Variants in GRK5 observed in about 807,000 individuals in gnomAD.
GRK5 encodes g protein-coupled receptor kinase GRK5.
In GRK5, 40 loss-of-function variants were observed where a neutral mutation model predicts 78.4. The ratio of observed to expected loss-of-function variants is 0.51; its 90% CI spans 0.40 to 0.66. GRK5 has a LOEUF of 0.66. Among genes scored for constraint, GRK5 ranks in the 30% least tolerant of loss-of-function variants. The pLI is 0.00. For synonymous variants in GRK5, 289 were observed against 296.8 expected (o/e 0.97, Z 0.27); for missense variants, 598 against 759.9 (o/e 0.79, Z 2.50).
intron 1 of GRK5, among the ~76,000 whole-genome samples, chr10:119,240,970 A>C (rs1443196485): frequency 6.6e-6 from 1 of 152,188 alleles, no homozygotes; most frequent in Non-Finnish European, 1.5e-5. Context: ...GCCCAGGCCA[A>C]AGGGCTCTGG....
chr10:119,357,644 G>T (rs551858395), intron 2 of GRK5, among the ~76,000 whole-genome samples: 93 of 152,210 alleles, frequency 6.1e-4, no homozygotes, highest in Non-Finnish European at 1.1e-3. Context: ...AATAGCAATA[G>T]CGGCTCACAC....
intron 12 of GRK5, among the ~76,000 whole-genome samples, chr10:119,446,134 C>T (rs1043649221): frequency 6.6e-6 from 1 of 152,174 alleles, no homozygotes; most frequent in Non-Finnish European, 1.5e-5. Context: ...GCCCGCTCTG[C>T]CTGCCCCACC....
intron 3 of GRK5, among the ~76,000 whole-genome samples, chr10:119,386,519 G>T (rs1255258919): frequency 6.6e-6 from 1 of 152,206 alleles, no homozygotes; most frequent in Non-Finnish European, 1.5e-5. Flanking sequence ...CTCTCTCTGG[G>T]CCTGTACCAA....
Position 119,380,866 on chromosome 10 carries a change from T to A in GRK5, c.200T>A (p.Phe67Tyr). 1 of 1,613,712 alleles carries A rather than the reference T, an allele frequency of 6.2e-7. No individual in the cohort carries two copies. The highest frequency in any genetic ancestry group is 8.5e-7 in the Non-Finnish European group (1 of 1,179,582). ...AAGCAGCCAATCGGGAGGCTGCTTT[T>A]CCGGCAGTTTTGTGAAACCAGGCCT... ...CDKQPIGRLLFRQFCETRPGL... is the reference protein window; with the variant it reads ...CDKQPIGRLLYRQFCETRPGL... Residue 67 changes from phenylalanine to tyrosine, a missense_variant, in exon 3 of 16, where the codon TTC becomes TAC. Transcript: ENST00000392870.
chr10:119,272,430 G>A (rs1463919443), intron 1 of GRK5, among the ~76,000 whole-genome samples: 1 of 152,088 alleles, frequency 6.6e-6, no homozygotes. Context: ...ACAAAAATTA[G>A]CCAGGCATGA....
chr10:119,399,343 C>T (rs958966580), intron 4 of GRK5, among the ~76,000 whole-genome samples: 8 of 152,210 alleles, frequency 5.3e-5, no homozygotes, highest in South Asian at 2.1e-4. Context: ...TTACCTCTCA[C>T]GTGCCCCAGT....
chr10:119,247,160 G>A (rs1849127600), intron 1 of GRK5, among the ~76,000 whole-genome samples: 2 of 152,220 alleles, frequency 1.3e-5, no homozygotes, highest in Admixed American at 1.3e-4. Flanking sequence ...CCAGGCCAGC[G>A]GAGGGCGGAA....
chr10:119,327,020 C>T (rs1850691112), intron 2 of GRK5, among the ~76,000 whole-genome samples: 1 of 152,188 alleles, frequency 6.6e-6, no homozygotes, highest in Non-Finnish European at 1.5e-5. Flanking sequence ...ATAACTTCTC[C>T]CCTTTCTTCC....
intron 1 of GRK5, among the ~76,000 whole-genome samples, chr10:119,290,771 T>C (rs941260037): frequency 6.6e-6 from 1 of 151,892 alleles, no homozygotes; most frequent in Non-Finnish European, 1.5e-5. Flanking sequence ...TCCCCTTCTG[T>C]GTGTGTGTAG....
chr10:119,255,529 G>A (rs1422952099), intron 1 of GRK5, among the ~76,000 whole-genome samples: 8 of 152,288 alleles, frequency 5.3e-5, no homozygotes, highest in African/African-American at 1.7e-4. Flanking sequence ...TTCCCCAGAT[G>A]CTCACTTTGT....
intron 1 of GRK5, among the ~76,000 whole-genome samples, chr10:119,296,263 T>C (rs1299591489): frequency 6.6e-6 from 1 of 152,238 alleles, no homozygotes; most frequent in African/African-American, 2.4e-5. Flanking sequence ...GAAGGTACTT[T>C]TGGAAAAGAA....
chr10:119,434,044 T>TTTCC (rs1240447968), intron 8 of GRK5, among the ~76,000 whole-genome samples: 1 of 149,536 alleles, frequency 6.7e-6, no homozygotes, highest in Non-Finnish European at 1.5e-5. Context: ...GTGAAAGGGG[T>TTTCC]TTCCCCTTAT....
In GRK5 at chr10:119,264,164, A is replaced by G. The variant is rs757446500; in HGVS notation, c.52+56195A>G. Among the ~76,000 whole-genome samples, 13 of 152,136 alleles carry G rather than the reference A, an allele frequency of 8.5e-5. No individual in the cohort carries two copies. The highest frequency in any genetic ancestry group is 1.9e-4 in the Non-Finnish European group (13 of 68,028). On this transcript the variant is annotated intron_variant, in intron 1 of 15. Transcript: ENST00000392870. This position sits in a 1 kb window ranked among gnomAD's most constrained non-coding sequence, Gnocchi z 4.1. ...TTGCATGCCACCTTGAATGCTCTCC[A>G]TTGACATTTGCAACTTGTTTCTGTG...
chr10:119,443,682 G>T lies in GRK5; in HGVS notation c.1196G>T (p.Arg399Leu). 1 of 1,613,274 alleles carries T rather than the reference G, an allele frequency of 6.2e-7. No individual in the cohort carries two copies. The highest frequency in any genetic ancestry group is 8.5e-7 in the Non-Finnish European group (1 of 1,179,692). ...KEKVKREEVD[R>L]RVLETEEVYS... ...AAGGTGAAGCGGGAGGAGGTGGACC[G>T]CCGGGTCCTGGAGACGGAGGAGGTG... Residue 399 changes from arginine to leucine, a missense_variant, in exon 12 of 16, where the codon CGC becomes CTC. Arg to Leu is a moderately radical substitution (Grantham distance 102). Transcript: ENST00000392870.
At chr10:119,227,424 G>A (rs964146936) in intron 1 of GRK5, among the ~76,000 whole-genome samples, 5 of 152,024 alleles carry the variant, frequency 3.3e-5, no homozygotes, top group South Asian at 2.1e-4. Context: ...AAAATTAGCC[G>A]GGCATGGTGG....
intron 2 of GRK5, among the ~76,000 whole-genome samples, chr10:119,373,582 C>T (rs1361625721): frequency 1.3e-5 from 2 of 152,158 alleles, no homozygotes; most frequent in African/African-American, 4.8e-5. Flanking sequence ...GAACCTCTTT[C>T]CTTTATAAAT....
chr10:119,328,192 G>A (rs1218162118), intron 2 of GRK5, among the ~76,000 whole-genome samples: 4 of 152,332 alleles, frequency 2.6e-5, no homozygotes, highest in East Asian at 1.9e-4. Context: ...CGTGGATGCC[G>A]TGTGCACCCT....
At chr10:119,235,298 C>T (rs1242219808) in intron 1 of GRK5, among the ~76,000 whole-genome samples, 5 of 152,278 alleles carry the variant, frequency 3.3e-5, no homozygotes, top group African/African-American at 1.2e-4. Flanking sequence ...ACAAGGTGGA[C>T]AGAGAATAAT....
At chr10:119,388,337 T>C (rs7895316) in intron 3 of GRK5, among the ~76,000 whole-genome samples, 93,542 of 151,926 alleles carry the variant, frequency 0.62, 29,306 homozygotes, top group Middle Eastern at 0.75. Flanking sequence ...TTTGGGTTTT[T>C]TGTTGTTGTT....
Sources: allele counts gnomAD v4.1 joint callset (sites outside exome capture counted in the v4.1 genomes callset), GRCh38; gene constraint gnomAD v4.1.1; non-coding constraint Gnocchi (gnomAD v3.1); transcripts MANE v1.5; gene names NCBI Gene and HGNC (gene_info 2026-07-23, HGNC 2026-07-21).